The following EYA1 variants were observed in gnomAD, a reference collection of about 807,000 sequenced individuals.
EYA1 encodes protein phosphatase EYA1.
In EYA1, 16 loss-of-function variants were observed where a neutral mutation model predicts 82.0. The ratio of observed to expected loss-of-function variants is 0.20; its 90% CI spans 0.13 to 0.30. The LOEUF is 0.30. EYA1 is among the 10% of genes least tolerant of loss of function. The pLI is 1.00. For missense variants in EYA1, 633 were observed against 730.7 expected, an observed-to-expected ratio of 0.87 and a Z score of 1.54; for synonymous variants, 261 against 264.4, an observed-to-expected ratio of 0.99 and a Z score of 0.12.
rs145035462 is a variant in EYA1 at position 71,405,362 on chromosome 8, A to G, written c.34-48851T>C. Among the ~76,000 whole-genome samples the G allele has an allele frequency of 2.0e-5, 3 of 152,024 alleles. No individual in the cohort carries two copies. In the South Asian group the frequency reaches 6.2e-4, roughly 32 times the overall value. ...GTCCAACCTTTTTTCGGGATAATTA[A>G]CTCTTAACCACAGAATGTGGGTCAA... On this transcript the variant is annotated intron_variant, in intron 2 of 18. Transcript: ENST00000643681.
intron 17 of EYA1, 90 bp downstream of exon 17, chr8:71,211,066 T>G (rs1808442808): frequency 1.2e-6 from 1 of 845,646 alleles, no homozygotes; most frequent in African/African-American, 1.7e-5. Flanking sequence ...ACGTTTCACA[T>G]AAATGGAACC....
chr8:71,236,171 G>T lies in EYA1; in HGVS notation c.1140+8432C>A, dbSNP rs543950183. Among the ~76,000 whole-genome samples the T allele has an allele frequency of 2.0e-5, 3 of 152,192 alleles. No individual in the cohort carries two copies. The East Asian group carries it at 5.8e-4, about 29-fold the overall frequency. ...CTGCCTCAGCATCCCGAGTAGCTGG[G>T]ATTACAGGTACACGCCATCACGCCC... On this transcript the variant is annotated intron_variant, in intron 12 of 17. Coordinates refer to ENST00000340726, the MANE Select transcript of EYA1 (RefSeq NM_000503.6).
intron 3 of EYA1, among the ~76,000 whole-genome samples, chr8:71,348,147 C>G (rs995071779): frequency 6.6e-6 from 1 of 151,966 alleles, no homozygotes; most frequent in Non-Finnish European, 1.5e-5. Flanking sequence ...TTATATTGTA[C>G]GCTTAGAGTG....
chr8:71,439,800 G>T (rs1046676537), intron 2 of EYA1, among the ~76,000 whole-genome samples: 1 of 152,158 alleles, frequency 6.6e-6, no homozygotes, highest in Non-Finnish European at 1.5e-5. Flanking sequence ...TTAATCAGCA[G>T]TCAGACTCTC....
In EYA1 at chr8:71,362,054, G is replaced by A. The variant is rs1027625783; in HGVS notation, c.-462C>T. The A allele has an allele frequency of 1.0e-6, 1 of 985,228 alleles. No homozygotes were observed. The highest frequency in any genetic ancestry group is 1.2e-6 in the Non-Finnish European group (1 of 829,958). 61.0% of individuals were successfully genotyped at this position (985,228 alleles called of 1,614,324 possible). ...GCTCCTTCCCCACCAAACAGCAGCGGCAGATAGCATCTGAGAACCCTAGAC... is the reference window on the plus strand; with the variant it reads ...GCTCCTTCCCCACCAAACAGCAGCGACAGATAGCATCTGAGAACCCTAGAC... On this transcript the variant is annotated 5_prime_UTR_variant, in exon 1 of 18. Coordinates refer to ENST00000340726, the MANE Select transcript of EYA1 (RefSeq NM_000503.6).
chr8:71,511,730 A>G (rs1184008636), intron 2 of EYA1, among the ~76,000 whole-genome samples: 2 of 152,222 alleles, frequency 1.3e-5, no homozygotes, highest in Non-Finnish European at 2.9e-5. Context: ...ACATGTGGTC[A>G]CTGTTGTTTA....
chr8:71,421,103 T>C (rs1831124666), intron 2 of EYA1, among the ~76,000 whole-genome samples: 2 of 152,112 alleles, frequency 1.3e-5, no homozygotes, highest in Admixed American at 6.5e-5. Flanking sequence ...GAAACCTGAG[T>C]CATGGGGCTC....
intron 9 of EYA1, among the ~76,000 whole-genome samples, chr8:71,292,928 A>C (rs2128990209): frequency 6.6e-6 from 1 of 152,176 alleles, no homozygotes; most frequent in South Asian, 2.1e-4. Flanking sequence ...CAATCAGAAA[A>C]AAATTATGAA....
At chr8:71,536,799 A>G (rs894249746) in intron 1 of EYA1, among the ~76,000 whole-genome samples, 12 of 152,232 alleles carry the variant, frequency 7.9e-5, no homozygotes, top group African/African-American at 2.9e-4. Flanking sequence ...GAATTTCTAC[A>G]TGCTCACATA....
intron 2 of EYA1, among the ~76,000 whole-genome samples, chr8:71,514,040 T>C (rs559486882): frequency 4.6e-5 from 7 of 152,244 alleles, no homozygotes; most frequent in South Asian, 2.1e-4. Flanking sequence ...TCTGCTGATA[T>C]ACTCTTAGGT....
At chr8:71,414,177 C>A (rs1191236606) in intron 2 of EYA1, among the ~76,000 whole-genome samples, 1 of 152,166 alleles carries the variant, frequency 6.6e-6, no homozygotes, top group African/African-American at 2.4e-5. Flanking sequence ...TTCTGGCTGT[C>A]CCAGAAAGGG....
upstream of EYA1, among the ~76,000 whole-genome samples, chr8:71,366,446 T>G (rs189510113): frequency 6.6e-6 from 1 of 152,326 alleles, no homozygotes; most frequent in Non-Finnish European, 1.5e-5. Context: ...TCTGTTGACA[T>G]GAAGCAACCT....
At chr8:71,213,337 C>T (rs559930097) in intron 16 of EYA1, among the ~76,000 whole-genome samples, 2 of 152,298 alleles carry the variant, frequency 1.3e-5, no homozygotes, top group East Asian at 3.9e-4. Flanking sequence ...CTAAGCTCTA[C>T]CCGCTTCTGT....
At chr8:71,403,815 A>G (rs1830078782) in intron 2 of EYA1, 1 of 152,192 alleles carries the variant, frequency 6.6e-6, no homozygotes, top group East Asian at 1.9e-4. Flanking sequence ...CTATGTTTGG[A>G]AAAGGAGGGA....
At chr8:71,456,257 A>G (rs1807898697) in intron 2 of EYA1, among the ~76,000 whole-genome samples, 1 of 152,228 alleles carries the variant, frequency 6.6e-6, no homozygotes, top group Non-Finnish European at 1.5e-5. Context: ...AAAATAAAAG[A>G]GGACACAAAC....
At chr8:71,334,410 A>G in intron 3 of EYA1, 1 of 551,264 alleles carries the variant, frequency 1.8e-6, no homozygotes, top group Non-Finnish European at 3.2e-6. Context: ...CAGCACTGTA[A>G]AAGTAATTAA....
At chr8:71,220,457 A>AGAT (rs1015881953) in intron 12 of EYA1, among the ~76,000 whole-genome samples, 3 of 152,152 alleles carry the variant, frequency 2.0e-5, no homozygotes, top group African/African-American at 7.2e-5. Flanking sequence ...GAGAAGACAG[A>AGAT]GATAGTGATT....
At position 71,299,698 on chromosome 8, in the gene EYA1, T is replaced by C. The variant is rs945935998; in HGVS notation, c.579A>G (p.Ser193=). ...GTGAATTATTTCCTGTATATATTCCTGATGATGTTGTAAAACTGCTACCTA... is the reference window on the plus strand; with the variant it reads ...GTGAATTATTTCCTGTATATATTCCCGATGATGTTGTAAAACTGCTACCTA... ...QMQGSSFTTS[S]GIYTGNNSLT... Residue 193 remains serine, a synonymous_variant, in exon 8 of 18, where the codon TCA becomes TCG. Transcript: ENST00000340726. The C allele has an allele frequency of 1.3e-6, 2 of 1,574,356 alleles. No individual in the cohort carries two copies. Among genetic ancestry groups the C allele is most frequent in the Non-Finnish European group, 1.7e-6 (2 of 1,144,966 alleles).
At chr8:71,261,987 T>C (rs1226893241) in intron 11 of EYA1, among the ~76,000 whole-genome samples, 1 of 152,214 alleles carries the variant, frequency 6.6e-6, no homozygotes, top group Non-Finnish European at 1.5e-5. Context: ...GTCCCTCCAT[T>C]GCCATCATGT....
Sources: gnomAD v4.1 joint callset for allele counts (sites outside exome capture counted in the v4.1 genomes callset) on GRCh38, gnomAD v4.1.1 for gene constraint, MANE v1.5 for transcripts, NCBI Gene and HGNC (gene_info 2026-07-23, HGNC 2026-07-21) for gene names.